The following SLC24A2 variants were observed in gnomAD, a reference collection of about 807,000 sequenced individuals.
SLC24A2 encodes the protein sodium/potassium/calcium exchanger 2.
A neutral mutation model predicts 62.0 loss-of-function variants in SLC24A2; 36 were observed. The observed-to-expected ratio is 0.58, with a 90% confidence interval of 0.44 to 0.77. The LOEUF is 0.77. Among genes scored for constraint, SLC24A2 ranks in the 30% least tolerant of loss-of-function variants. The pLI is 0.00. For missense variants in SLC24A2, 846 were observed against 817.9 expected, an observed-to-expected ratio of 1.03 and a Z score of -0.42; for synonymous variants, 358 against 294.0, an observed-to-expected ratio of 1.22 and a Z score of -2.23.
chr9:19,634,371 C>G (rs1286208416), intron 2 of SLC24A2, among the ~76,000 whole-genome samples: 1 of 148,248 alleles, frequency 6.7e-6, no homozygotes, highest in Non-Finnish European at 1.5e-5. Flanking sequence ...TCAATGCAAA[C>G]TCCACCTCCC....
chr9:19,915,492 G>C, the SLC24A2 span, among the ~76,000 whole-genome samples: 1 of 152,024 alleles, frequency 6.6e-6, no homozygotes, highest in Non-Finnish European at 1.5e-5. Context: ...TTTAACTTTT[G>C]AGGGATTGCC....
Position 19,599,683 on chromosome 9 carries a change from T to A in SLC24A2, c.1079-2404A>T, listed in dbSNP as rs562587788. Reference sequence around the variant, plus strand: ...CTCCCTGAAGCAGGGACTCAGGAGGTGCAGAAAGAGAAATGACATGCGACT... The same window carrying A: ...CTCCCTGAAGCAGGGACTCAGGAGGAGCAGAAAGAGAAATGACATGCGACT... On this transcript the variant is annotated intron_variant, in intron 4 of 10. Transcript: ENST00000341998. The surrounding 1 kb of genome is among the most constrained non-coding windows in gnomAD (Gnocchi z 4.5). Among the ~76,000 whole-genome samples, 1 of 152,046 alleles carries A rather than the reference T, an allele frequency of 6.6e-6. No individual in the cohort carries two copies. Among genetic ancestry groups the A allele is most frequent in the Admixed American group, 6.5e-5 (1 of 15,272 alleles).
Position 19,788,846 on chromosome 9 carries a change from G to A in SLC24A2, c.-154+39C>T. On this transcript the variant is annotated intron_variant, in intron 1 of 10. Transcript: ENST00000341998. ...GGGATGCGGGGACGACCGCCACAGC[G>A]GCTACAGCGGCAGGCGGGGCGCAGC... 5.1e-6 allele frequency: 5 copies of A among 985,476 alleles called. No individual in the cohort carries two copies. The South Asian group carries it at 2.3e-4, about 46-fold the overall frequency. 61.0% of individuals were successfully genotyped at this position (985,476 alleles called of 1,614,324 possible).
the SLC24A2 span, among the ~76,000 whole-genome samples, chr9:20,266,876 G>C: frequency 6.6e-6 from 1 of 152,040 alleles, no homozygotes; most frequent in Non-Finnish European, 1.5e-5. Context: ...CCAGAAGTTT[G>C]AGACCCACCT....
intron 2 of SLC24A2, among the ~76,000 whole-genome samples, chr9:19,781,355 A>G (rs1472883234): frequency 6.6e-6 from 1 of 151,572 alleles, no homozygotes; most frequent in Non-Finnish European, 1.5e-5. Context: ...AAGAAGGACA[A>G]AGAGAGGAAT....
At chr9:20,051,414 T>C in the SLC24A2 span, among the ~76,000 whole-genome samples, 1 of 152,084 alleles carries the variant, frequency 6.6e-6, no homozygotes, top group Non-Finnish European at 1.5e-5. Context: ...ACATTTTATA[T>C]ATCTCAGTAT....
rs747021117 is a variant in SLC24A2, at chr9:19,622,304, A to G, written c.931-5T>C. On this transcript the variant is annotated splice_region_variant and splice_polypyrimidine_tract_variant and intron_variant, in intron 2 of 10. Coordinates refer to ENST00000341998, the MANE Select transcript of SLC24A2 (RefSeq NM_020344.4). ...CTTGTCCCTGGCTGCAGATGGCTGC[A>G]TAAGAGAAAAAGGCAAAGACAAAAG... The G allele has an allele frequency of 4.3e-6, 7 of 1,612,780 alleles. No homozygotes were observed. Among genetic ancestry groups the G allele is most frequent in the East Asian group, 2.2e-5 (1 of 44,856 alleles).
At chr9:19,981,670 C>T in the SLC24A2 span, among the ~76,000 whole-genome samples, 4 of 152,178 alleles carry the variant, frequency 2.6e-5, no homozygotes, top group Non-Finnish European at 4.4e-5. Flanking sequence ...AGCTGTGTCA[C>T]TGGCTACACT....
At chr9:19,824,536 C>T in the SLC24A2 span, among the ~76,000 whole-genome samples, 2 of 152,146 alleles carry the variant, frequency 1.3e-5, no homozygotes, top group South Asian at 4.1e-4. Flanking sequence ...GCTGGCAAGG[C>T]TGTGGAGAAA....
intron 2 of SLC24A2, among the ~76,000 whole-genome samples, chr9:19,650,166 G>T (rs1426198065): frequency 6.6e-6 from 1 of 152,188 alleles, no homozygotes; most frequent in African/African-American, 2.4e-5. Flanking sequence ...CTCAACAAAT[G>T]TAAGCTTTTA....
At chr9:19,975,430 T>TGAAGGGAAATAATGAGATTTGGG in the SLC24A2 span, among the ~76,000 whole-genome samples, 1 of 152,134 alleles carries the variant, frequency 6.6e-6, no homozygotes, top group Non-Finnish European at 1.5e-5. Flanking sequence ...AACATGGAAT[T>TGAAGGGAAATAATGAGATTTGGG]GAAGGGAAAT....
chr9:20,045,252 G>A, the SLC24A2 span, among the ~76,000 whole-genome samples: 19 of 152,038 alleles, frequency 1.2e-4, no homozygotes, highest in South Asian at 4.2e-4. Flanking sequence ...CCAAATGATC[G>A]CATTAATAAA....
At chr9:20,139,974 G>T in the SLC24A2 span, among the ~76,000 whole-genome samples, 1 of 152,204 alleles carries the variant, frequency 6.6e-6, no homozygotes, top group African/African-American at 2.4e-5. Flanking sequence ...AGACTATGCG[G>T]TGCGTTCCCT....
chr9:20,241,472 C>G, the SLC24A2 span, among the ~76,000 whole-genome samples: 1 of 152,156 alleles, frequency 6.6e-6, no homozygotes, highest in Non-Finnish European at 1.5e-5. Flanking sequence ...TTTAATCCCT[C>G]TATGCCTAGA....
At chr9:20,021,873 C>T in the SLC24A2 span, among the ~76,000 whole-genome samples, 1 of 152,152 alleles carries the variant, frequency 6.6e-6, no homozygotes, top group East Asian at 1.9e-4. Context: ...GACAGAGCAG[C>T]CCATGCCCAG....
the SLC24A2 span, among the ~76,000 whole-genome samples, chr9:20,236,797 G>A: frequency 6.6e-6 from 1 of 152,138 alleles, no homozygotes; most frequent in African/African-American, 2.4e-5. Context: ...TGTTTGCATA[G>A]TGGACTACAG....
chr9:19,947,210 A>G, the SLC24A2 span, among the ~76,000 whole-genome samples: 2 of 152,142 alleles, frequency 1.3e-5, no homozygotes, highest in Non-Finnish European at 2.9e-5. Context: ...AAACAAATGG[A>G]TTGGCTGTGC....
At chr9:20,282,456 C>T in the SLC24A2 span, among the ~76,000 whole-genome samples, 2 of 152,260 alleles carry the variant, frequency 1.3e-5, no homozygotes, top group Admixed American at 1.3e-4. Context: ...GACAAACCTA[C>T]ACACTGTTTG....
At chr9:19,800,634 T>C in the SLC24A2 span, among the ~76,000 whole-genome samples, 2 of 150,934 alleles carry the variant, frequency 1.3e-5, no homozygotes, top group African/African-American at 2.5e-5. Flanking sequence ...TATTATACAG[T>C]ACTACTACAT....
Sources: allele counts gnomAD v4.1 joint callset (sites outside exome capture counted in the v4.1 genomes callset), GRCh38; gene constraint gnomAD v4.1.1; non-coding constraint Gnocchi (gnomAD v3.1); transcripts MANE v1.5; gene names NCBI Gene and HGNC (gene_info 2026-07-23, HGNC 2026-07-21).